The following STK3 variants were observed in gnomAD, a reference collection of about 807,000 sequenced individuals.
The protein encoded by STK3 is serine/threonine kinase 3.
Under a neutral mutation model 58.0 loss-of-function variants are expected in STK3, and 41 were observed. That is an observed-to-expected ratio of 0.71 (90% CI 0.55 to 0.92). STK3 has a LOEUF of 0.92. Ranked by LOEUF, STK3 falls within the 40% of genes least tolerant of loss-of-function variation. STK3 has a pLI of 0.00. For synonymous variants in STK3, 170 were observed against 191.0 expected (o/e 0.89, Z 0.91); for missense variants, 479 against 602.7 (o/e 0.79, Z 2.15).
At chr8:98,826,196 C>A (rs912889688), upstream of STK3, among the ~76,000 whole-genome samples, 2 of 152,208 alleles carry the variant, frequency 1.3e-5, no homozygotes, top group Non-Finnish European at 2.9e-5. Context: ...ATTTCTTTGG[C>A]TTTCCCAACG....
chr8:98,870,688 T>A (rs1400150569), intron 3 of STK3, among the ~76,000 whole-genome samples: 2 of 152,238 alleles, frequency 1.3e-5, no homozygotes, highest in African/African-American at 4.8e-5. Flanking sequence ...TTGTTGGGGT[T>A]GTTTGATTTT....
At chr8:98,716,522 A>T (rs185752402) in intron 4 of STK3, among the ~76,000 whole-genome samples, 1 of 152,150 alleles carries the variant, frequency 6.6e-6, no homozygotes, top group African/African-American at 2.4e-5. Flanking sequence ...GCTGAAAAAA[A>T]ATTTTAGGAC....
intron 7 of STK3, chr8:98,594,970 T>G (rs1815676794): frequency 6.6e-6 from 1 of 152,220 alleles, no homozygotes; most frequent in Non-Finnish European, 1.5e-5. Context: ...AGTAACTCTT[T>G]TTCTTGTACT....
intron 3 of STK3, among the ~76,000 whole-genome samples, chr8:98,423,395 C>G (rs756911364): frequency 6.6e-6 from 1 of 152,204 alleles, no homozygotes; most frequent in Non-Finnish European, 1.5e-5. Context: ...GGGAGCAAAG[C>G]GGGCATGCGG....
At chr8:98,592,223 G>T (rs1245263596) in intron 7 of STK3, among the ~76,000 whole-genome samples, 3 of 152,076 alleles carry the variant, frequency 2.0e-5, no homozygotes, top group African/African-American at 7.2e-5. Context: ...CTTCACTGTT[G>T]TCTGTATCTA....
intron 6 of STK3, among the ~76,000 whole-genome samples, chr8:98,651,017 T>G (rs946641136): frequency 2.6e-5 from 4 of 152,234 alleles, no homozygotes; most frequent in African/African-American, 9.6e-5. Context: ...GCTGGAGATC[T>G]GAGAACGGGC....
rs1406823404 is a variant in STK3, at chr8:98,818,884, A to G, written c.26+6631T>C. On this transcript the variant is annotated intron_variant, in intron 1 of 10. Transcript: ENST00000419617. ...CGCCCAGGCTGGAGTTCGGTGGCGC[A>G]ATCTCGGCTCACTGCAAGCTCCGCC... 2.6e-5 allele frequency among the ~76,000 whole-genome samples: 4 copies of G among 152,020 alleles called. No individual in the cohort carries two copies. In the East Asian group the frequency reaches 7.7e-4, roughly 29 times the overall value.
chr8:98,514,998 A>G (rs1417871459), intron 10 of STK3, among the ~76,000 whole-genome samples: 1 of 152,056 alleles, frequency 6.6e-6, no homozygotes, highest in East Asian at 1.9e-4. Flanking sequence ...CTTCACCCTA[A>G]TCCTCTATAT....
intron 1 of STK3, among the ~76,000 whole-genome samples, chr8:98,781,488 A>G (rs1338305246): frequency 6.6e-6 from 1 of 152,226 alleles, no homozygotes; most frequent in East Asian, 1.9e-4. Context: ...ATTCCCAGAC[A>G]AGGCAATTTA....
intron 2 of STK3, among the ~76,000 whole-genome samples, chr8:98,372,336 A>G (rs1817618514): frequency 6.6e-6 from 1 of 152,216 alleles, no homozygotes; most frequent in African/African-American, 2.4e-5. Context: ...TCTTCAGGGC[A>G]GCCTCCAAGT....
rs551763797 is a variant in STK3 at position 98,435,242 on chromosome 8, G to T, written n.292-924C>A. ...ACAGGGCATGGTGCTGGGAGTCAGG[G>T]CTGGCCAGGTGGAGGGAAGGGAAAA... On this transcript the variant is annotated intron_variant and non_coding_transcript_variant, in intron 2 of 3. Coordinates refer to the STK3 transcript ENST00000517832. Among the ~76,000 whole-genome samples the T allele has an allele frequency of 2.6e-5, 4 of 152,382 alleles. No homozygotes were observed. The East Asian group carries it at 7.7e-4, about 29-fold the overall frequency.
At chr8:98,852,319 AGGTG>A (rs1299346964) in intron 3 of STK3, among the ~76,000 whole-genome samples, 1 of 152,036 alleles carries the variant, frequency 6.6e-6, no homozygotes, top group African/African-American at 2.4e-5. Context: ...TTTTTAGTAG[AGGTG>A]GGGTTTCACC....
intron 1 of STK3, among the ~76,000 whole-genome samples, chr8:98,891,417 A>C (rs1838193889): frequency 6.6e-6 from 1 of 152,262 alleles, no homozygotes; most frequent in Non-Finnish European, 1.5e-5. Flanking sequence ...ATTATAAATT[A>C]TAACGAGAAC....
the STK3 span, among the ~76,000 whole-genome samples, chr8:98,360,223 G>A: frequency 2.0e-5 from 3 of 152,042 alleles, no homozygotes; most frequent in Non-Finnish European, 4.4e-5. Flanking sequence ...CATTAGAAAA[G>A]CCTATTCTGA....
At chr8:98,682,290 T>C (rs1247635132) in intron 6 of STK3, among the ~76,000 whole-genome samples, 2 of 152,186 alleles carry the variant, frequency 1.3e-5, no homozygotes, top group Non-Finnish European at 2.9e-5. Flanking sequence ...ATGTACTAAC[T>C]ACATACAAGT....
At chr8:98,429,582 AGAG>A in intron 3 of STK3, 1 of 593,996 alleles carries the variant, frequency 1.7e-6, no homozygotes, top group Non-Finnish European at 3.0e-6. Flanking sequence ...AATCGTTTTT[AGAG>A]GGTGGTGTGT....
At chr8:98,683,020 T>C (rs1025707494) in intron 6 of STK3, among the ~76,000 whole-genome samples, 6 of 152,066 alleles carry the variant, frequency 3.9e-5, no homozygotes, top group Admixed American at 1.3e-4. Context: ...TTTTAAGATA[T>C]ATATCTTCAA....
At chr8:98,703,842 G>A (rs1482101630) in intron 6 of STK3, among the ~76,000 whole-genome samples, 1 of 151,966 alleles carries the variant, frequency 6.6e-6, no homozygotes, top group Non-Finnish European at 1.5e-5. Context: ...AATTTTAGCT[G>A]GGCCCTCAAC....
Position 98,598,516 on chromosome 8 carries a change from T to C in STK3, c.685-2347A>G, listed in dbSNP as rs1816023899. The C allele has an allele frequency of 2.1e-5, 21 of 985,300 alleles. No homozygotes were observed. In the South Asian group the frequency reaches 2.8e-4, roughly 13 times the overall value. 61.0% of individuals were successfully genotyped at this position (985,300 alleles called of 1,614,324 possible). ...TTTTTTAAGGTTAGCTCATCAATAA[T>C]AGATTTTCTTGACAGCCTTACTGTA... is the stretch of plus-strand genomic sequence containing the variant. On this transcript the variant is annotated intron_variant, in intron 6 of 10. Coordinates refer to ENST00000419617, the MANE Select transcript of STK3 (RefSeq NM_006281.4).
Sources: allele counts gnomAD v4.1 joint callset (sites outside exome capture counted in the v4.1 genomes callset), GRCh38; gene constraint gnomAD v4.1.1; transcripts MANE v1.5; gene names NCBI Gene and HGNC (gene_info 2026-07-23, HGNC 2026-07-21).